KLHL2: variants seen among roughly 807,000 people sequenced by gnomAD.
KLHL2 encodes kelch-like protein 2.
In KLHL2, 15 loss-of-function variants were observed where a neutral mutation model predicts 75.8. The observed-to-expected ratio is 0.20, with a 90% CI of 0.13 to 0.30. The LOEUF is 0.30. Among genes scored for constraint, KLHL2 ranks in the 10% least tolerant of loss-of-function variants. KLHL2 has a pLI of 1.00. For synonymous variants in KLHL2, 214 were observed against 251.9 expected (o/e 0.85, Z 1.42); for missense variants, 381 against 741.0 (o/e 0.51, Z 5.64).
intron 14 of KLHL2, among the ~76,000 whole-genome samples, chr4:165,321,742 C>G (rs571179574): frequency 6.6e-6 from 1 of 152,114 alleles, no homozygotes; most frequent in Non-Finnish European, 1.5e-5. Flanking sequence ...CCATCATGCT[C>G]AAAAGTTTCT....
chr4:165,238,737 G>A (rs747842991), intron 3 of KLHL2, 41 bp from the exon 4 acceptor site: 1 of 1,611,270 alleles, frequency 6.2e-7, no homozygotes, highest in South Asian at 1.1e-5. Flanking sequence ...TTCCACAGCA[G>A]TGTCTTGCTG....
chr4:165,222,140 C>G (rs1308188585), intron 2 of KLHL2, among the ~76,000 whole-genome samples: 1 of 152,096 alleles, frequency 6.6e-6, no homozygotes, highest in Non-Finnish European at 1.5e-5. Context: ...GAAGGTAACA[C>G]CAAGTGCTCC....
At chr4:165,258,774 C>A (rs1329381551) in intron 4 of KLHL2, among the ~76,000 whole-genome samples, 2 of 152,176 alleles carry the variant, frequency 1.3e-5, no homozygotes, top group African/African-American at 2.4e-5. Flanking sequence ...ATTATGATAG[C>A]TCCAGATTAA....
chr4:165,218,360 A>G (rs1298302009), intron 1 of KLHL2, among the ~76,000 whole-genome samples: 4 of 152,152 alleles, frequency 2.6e-5, no homozygotes, highest in African/African-American at 9.7e-5. Flanking sequence ...CATGGGTCAC[A>G]GTTCCTGGAA....
At chr4:165,268,850 T>TC (rs1353297401) in intron 5 of KLHL2, among the ~76,000 whole-genome samples, 1 of 152,200 alleles carries the variant, frequency 6.6e-6, no homozygotes, top group African/African-American at 2.4e-5. Flanking sequence ...AGAGCTGAGT[T>TC]CAAGTCCTGG....
intron 3 of KLHL2, among the ~76,000 whole-genome samples, chr4:165,237,645 C>T (rs892120854): frequency 1.3e-5 from 2 of 152,118 alleles, no homozygotes; most frequent in African/African-American, 2.4e-5. Flanking sequence ...TGCATTGTAT[C>T]AGAAAAAGAA....
chr4:165,287,422 C>T (rs1448384060), intron 5 of KLHL2, among the ~76,000 whole-genome samples: 2 of 152,104 alleles, frequency 1.3e-5, no homozygotes, highest in Non-Finnish European at 2.9e-5. Flanking sequence ...CTGCTTCTGC[C>T]TCTTGCTATT....
intron 4 of KLHL2, among the ~76,000 whole-genome samples, chr4:165,262,746 T>G (rs1741793995): frequency 6.6e-6 from 1 of 152,022 alleles, no homozygotes; most frequent in Non-Finnish European, 1.5e-5. Flanking sequence ...ACCAGGCTAA[T>G]TTTTATATTT....
At chr4:165,289,748 T>C (rs914399532) in intron 5 of KLHL2, among the ~76,000 whole-genome samples, 4 of 152,336 alleles carry the variant, frequency 2.6e-5, no homozygotes, top group East Asian at 3.9e-4. Flanking sequence ...CACCACCAAG[T>C]TGGCTTTTTA....
intron 8 of KLHL2, among the ~76,000 whole-genome samples, chr4:165,304,493 C>T (rs995001493): frequency 4.5e-4 from 68 of 152,124 alleles, no homozygotes; most frequent in African/African-American, 1.4e-3. Flanking sequence ...ATCATTATCT[C>T]TTCTTTTCCT....
chr4:165,310,788 A>G (rs1440175818), intron 10 of KLHL2, 38 bp downstream of exon 10: 1 of 1,474,206 alleles, frequency 6.8e-7, no homozygotes, highest in East Asian at 2.3e-5. Context: ...TGCTGCTAAA[A>G]TTAACGTAGT....
intron 5 of KLHL2, among the ~76,000 whole-genome samples, chr4:165,277,552 T>G (rs1014122829): frequency 2.2e-4 from 33 of 152,248 alleles, no homozygotes; most frequent in African/African-American, 6.5e-4. Context: ...AGGTTAGTAA[T>G]AACCTTTTAA....
intron 4 of KLHL2, among the ~76,000 whole-genome samples, chr4:165,254,359 G>T (rs1340954735): frequency 6.6e-6 from 1 of 151,930 alleles, no homozygotes; most frequent in Non-Finnish European, 1.5e-5. Flanking sequence ...TTGCCATATT[G>T]TTAGATCTTT....
chr4:165,293,211 C>T (rs1413297447), intron 5 of KLHL2, among the ~76,000 whole-genome samples: 1 of 152,150 alleles, frequency 6.6e-6, no homozygotes, highest in African/African-American at 2.4e-5. Context: ...AATCATTGCA[C>T]TGATAGTCTT....
At chr4:165,283,004 A>G (rs917680727) in intron 5 of KLHL2, among the ~76,000 whole-genome samples, 1 of 152,034 alleles carries the variant, frequency 6.6e-6, no homozygotes, top group Non-Finnish European at 1.5e-5. Context: ...GAGAGCTTGT[A>G]CAAGGAAGCT....
intron 4 of KLHL2, among the ~76,000 whole-genome samples, chr4:165,249,434 A>C (rs1253732845): frequency 2.6e-5 from 4 of 152,220 alleles, no homozygotes; most frequent in African/African-American, 9.7e-5. Flanking sequence ...TCAGAGCTTC[A>C]TTTGGTGAGC....
intron 4 of KLHL2, among the ~76,000 whole-genome samples, chr4:165,250,091 T>C (rs922698384): frequency 6.6e-6 from 1 of 150,700 alleles, no homozygotes; most frequent in Non-Finnish European, 1.5e-5. Context: ...CCCACTGCAC[T>C]CCAGCCTGGG....
chr4:165,248,446 G>A (rs1440455148), intron 4 of KLHL2, among the ~76,000 whole-genome samples: 2 of 152,176 alleles, frequency 1.3e-5, no homozygotes, highest in Admixed American at 1.3e-4. Flanking sequence ...CTGTAAATGA[G>A]TAGGAGTGAC....
intron 5 of KLHL2, among the ~76,000 whole-genome samples, chr4:165,271,147 T>C (rs1742660130): frequency 7.0e-6 from 1 of 142,444 alleles, no homozygotes; most frequent in African/African-American, 2.8e-5. Context: ...TTTAAAAAAA[T>C]TCCATATGCA....
Sources: gnomAD v4.1 joint callset for allele counts (sites outside exome capture counted in the v4.1 genomes callset) on GRCh38, gnomAD v4.1.1 for gene constraint, MANE v1.5 for transcripts, NCBI Gene and HGNC (gene_info 2026-07-23, HGNC 2026-07-21) for gene names.